Variants in PRKCQ observed in about 807,000 individuals in gnomAD.
The protein encoded by PRKCQ is protein kinase C theta.
PRKCQ carries 41 observed loss-of-function variants against 91.2 expected under a neutral mutation model. The observed-to-expected ratio is 0.45, with a 90% CI of 0.35 to 0.58. The LOEUF is 0.58. PRKCQ is among the 20% of genes least tolerant of loss of function. PRKCQ has a pLI of 0.00. For missense variants in PRKCQ, 673 were observed against 896.5 expected (o/e 0.75, Z 3.18); for synonymous variants, 307 against 316.9 (o/e 0.97, Z 0.33).
chr10:6,496,218 A>C (rs1336053462), intron 7 of PRKCQ, among the ~76,000 whole-genome samples: 1 of 10,758 alleles, frequency 9.3e-5, no homozygotes, highest in East Asian at 9.1e-3. Context: ...TTCCATCTCA[A>C]AAAAAAAAAA....
At chr10:6,527,590 A>G (rs1056499670) in intron 1 of PRKCQ, among the ~76,000 whole-genome samples, 4 of 152,162 alleles carry the variant, frequency 2.6e-5, no homozygotes, top group African/African-American at 7.2e-5. Flanking sequence ...AGGCCCCCCA[A>G]ACCAGTTATG....
intron 4 of PRKCQ, among the ~76,000 whole-genome samples, chr10:6,502,155 G>A (rs1181655208): frequency 2.0e-5 from 3 of 152,172 alleles, no homozygotes; most frequent in African/African-American, 4.8e-5. Flanking sequence ...AGAGTCCAGA[G>A]GGAAAGAAAA....
rs190593530 is a variant in PRKCQ at position 6,538,184 on chromosome 10, G to A, written c.-9-23040C>T. Among the ~76,000 whole-genome samples, 5 of 152,338 alleles carry A rather than the reference G, an allele frequency of 3.3e-5. No homozygotes were observed. The East Asian group carries it at 7.7e-4, about 23-fold the overall frequency. On this transcript the variant is annotated intron_variant, in intron 1 of 17. Transcript: ENST00000263125. ...ACAGGAGTACCTGCTCTAAGGTGAG[G>A]CCCACTGTGCTAGTTCCAGTGGTCC... is the stretch of plus-strand genomic sequence containing the variant.
At position 6,576,965 on chromosome 10, in the gene PRKCQ, A is replaced by T. The variant is rs1053586564; in HGVS notation, c.-10+3246T>A. On this transcript the variant is annotated intron_variant, in intron 1 of 17. Coordinates refer to ENST00000263125, the MANE Select transcript of PRKCQ (RefSeq NM_006257.5). The surrounding 1 kb of genome is among the most constrained non-coding windows in gnomAD (Gnocchi z 4.2). ...AAGCAGTAATGCCTCTTACATATAAATAAAATTCTGAGTATGATATACAGC... is the reference window on the plus strand; with the variant it reads ...AAGCAGTAATGCCTCTTACATATAATTAAAATTCTGAGTATGATATACAGC... Among the ~76,000 whole-genome samples, 5 of 152,224 alleles carry T rather than the reference A, an allele frequency of 3.3e-5. No homozygotes were observed. The highest frequency in any genetic ancestry group is 1.2e-4 in the African/African-American group (5 of 41,460).
At chr10:6,466,054 T>C (rs1835633434) in intron 12 of PRKCQ, among the ~76,000 whole-genome samples, 1 of 152,210 alleles carries the variant, frequency 6.6e-6, no homozygotes, top group Non-Finnish European at 1.5e-5. Flanking sequence ...CAAACTATAA[T>C]GGCCCTATAC....
chr10:6,522,789 A>G (rs1839065088), intron 1 of PRKCQ, among the ~76,000 whole-genome samples: 3 of 152,222 alleles, frequency 2.0e-5, no homozygotes, highest in Admixed American at 2.0e-4. Context: ...TGGAAGAAAG[A>G]ACACAGATTA....
At chr10:6,492,630 G>A (rs648778) in intron 7 of PRKCQ, among the ~76,000 whole-genome samples, 42,582 of 152,094 alleles carry the variant, frequency 0.28, 7,160 homozygotes, top group South Asian at 0.44. Context: ...GCTTATCGGG[G>A]TAGGGAGAGG....
At position 6,524,184 on chromosome 10, in the gene PRKCQ, T is replaced by C. The variant is rs551287320; in HGVS notation, c.-9-9040A>G. Among the ~76,000 whole-genome samples the C allele has an allele frequency of 3.3e-5, 5 of 152,338 alleles. No individual in the cohort carries two copies. The East Asian group carries it at 9.6e-4, about 29-fold the overall frequency. ...TCCTATGAGAAAGAGTGGGTGTTAC[T>C]AGTTACTCACCTAATAATATTAAAA... On this transcript the variant is annotated intron_variant, in intron 1 of 17. Transcript: ENST00000263125.
At chr10:6,523,666 T>A (rs371238362) in intron 1 of PRKCQ, among the ~76,000 whole-genome samples, 1 of 152,138 alleles carries the variant, frequency 6.6e-6, no homozygotes, top group Non-Finnish European at 1.5e-5. Context: ...AGTGTTGAAG[T>A]TAAACCTTGA....
intron 1 of PRKCQ, among the ~76,000 whole-genome samples, chr10:6,571,257 G>T (rs1841035358): frequency 6.6e-6 from 1 of 152,180 alleles, no homozygotes; most frequent in African/African-American, 2.4e-5. Context: ...CCACAGAGGG[G>T]GCAAAGAAAG....
intron 1 of PRKCQ, among the ~76,000 whole-genome samples, chr10:6,529,242 A>G (rs1250883907): frequency 6.6e-6 from 1 of 152,178 alleles, no homozygotes; most frequent in East Asian, 1.9e-4. Context: ...TTTTCTAACC[A>G]TGGTTAGGAT....
At chr10:6,512,519 G>C (rs1310659479) in intron 2 of PRKCQ, among the ~76,000 whole-genome samples, 1 of 152,176 alleles carries the variant, frequency 6.6e-6, no homozygotes, top group African/African-American at 2.4e-5. Context: ...ATTTTCTCTG[G>C]TATTTATTCT....
chr10:6,580,539 C>T (rs999839915), upstream of PRKCQ: 2 of 152,352 alleles, frequency 1.3e-5, no homozygotes, highest in Non-Finnish European at 2.9e-5. Context: ...GAGCGGGAGG[C>T]GGCGGCCGGA....
intron 16 of PRKCQ, among the ~76,000 whole-genome samples, chr10:6,435,857 A>G (rs1264754522): frequency 6.6e-6 from 1 of 152,212 alleles, no homozygotes; most frequent in African/African-American, 2.4e-5. Context: ...TCATGCCTGT[A>G]ATCCCAGCAC....
rs150023957 is a variant in PRKCQ at position 6,463,903 on chromosome 10, G to C, written c.1445+410C>G. 2.8e-3 allele frequency among the ~76,000 whole-genome samples: 434 copies of C among 152,296 alleles called. 4 individuals are homozygous for C. Among genetic ancestry groups the C allele is most frequent in the African/African-American group, 1.0e-2 (415 of 41,556 alleles). Reference sequence around the variant, plus strand: ...GAAGCTTTGTTCTCAGATGGACTAAGTGCCTCTTCCTGCTCCCTAAAGCTT... The same window carrying C: ...GAAGCTTTGTTCTCAGATGGACTAACTGCCTCTTCCTGCTCCCTAAAGCTT... On this transcript the variant is annotated intron_variant, in intron 13 of 17. Transcript: ENST00000263125.
At chr10:6,459,767 A>G (rs1835220986) in intron 14 of PRKCQ, among the ~76,000 whole-genome samples, 1 of 152,218 alleles carries the variant, frequency 6.6e-6, no homozygotes, top group East Asian at 1.9e-4. Context: ...TGGTAAATCG[A>G]GGGCTTGGTG....
chr10:6,432,876 AG>A (rs1833490760), intron 16 of PRKCQ, among the ~76,000 whole-genome samples: 1 of 152,030 alleles, frequency 6.6e-6, no homozygotes, highest in African/African-American at 2.4e-5. Flanking sequence ...TCTTGCCATG[AG>A]ATACCCTCCC....
intron 16 of PRKCQ, among the ~76,000 whole-genome samples, chr10:6,434,116 A>G (rs1379631168): frequency 6.6e-6 from 1 of 152,004 alleles, no homozygotes; most frequent in Admixed American, 6.6e-5. Flanking sequence ...TAAATGATAA[A>G]TGATTGGTCT....
intron 7 of PRKCQ, among the ~76,000 whole-genome samples, chr10:6,496,770 A>G (rs1837634255): frequency 6.6e-6 from 1 of 151,920 alleles, no homozygotes; most frequent in African/African-American, 2.4e-5. Context: ...CGCCTCCCGA[A>G]TTCAAGAGAT....
Sources: gnomAD v4.1 joint callset for allele counts (sites outside exome capture counted in the v4.1 genomes callset) on GRCh38, gnomAD v4.1.1 for gene constraint, Gnocchi (gnomAD v3.1) non-coding constraint, MANE v1.5 for transcripts, NCBI Gene and HGNC (gene_info 2026-07-23, HGNC 2026-07-21) for gene names.